RBFOX1: variants seen among roughly 807,000 people sequenced by gnomAD.
The protein encoded by RBFOX1 is RNA binding fox-1 homolog 1.
In RBFOX1, 8 loss-of-function variants were observed where a neutral mutation model predicts 57.7. The ratio of observed to expected loss-of-function variants is 0.14; its 90% CI spans 0.08 to 0.25. The LOEUF is 0.25. Among genes scored for constraint, RBFOX1 ranks in the 10% least tolerant of loss-of-function variants. RBFOX1 has a pLI of 1.00. For synonymous variants in RBFOX1, 326 were observed against 222.4 expected (o/e 1.47, Z -4.15); for missense variants, 611 against 548.5 (o/e 1.11, Z -1.14).
intron 1 of RBFOX1, among the ~76,000 whole-genome samples, chr16:6,111,953 G>A (rs902359854): frequency 6.6e-6 from 1 of 152,232 alleles, no homozygotes; most frequent in Admixed American, 6.5e-5. Context: ...AGAAACATAT[G>A]CTAAAGGTGT....
At chr16:7,482,310 G>C (rs191352718) in intron 4 of RBFOX1, among the ~76,000 whole-genome samples, 2 of 152,230 alleles carry the variant, frequency 1.3e-5, no homozygotes, top group Non-Finnish European at 2.9e-5. Context: ...AAGTGCTTTA[G>C]GGAGGCGTTA....
intron 4 of RBFOX1, among the ~76,000 whole-genome samples, chr16:7,141,540 T>C (rs916477585): frequency 6.6e-6 from 1 of 152,156 alleles, no homozygotes; most frequent in African/African-American, 2.4e-5. Flanking sequence ...TCATTGTTAT[T>C]TTATTTTTAT....
chr16:5,521,960 A>T (rs1295114467), intron 2 of RBFOX1, among the ~76,000 whole-genome samples: 2 of 152,148 alleles, frequency 1.3e-5, no homozygotes, highest in African/African-American at 4.8e-5. Context: ...GAGGCTGAGG[A>T]GGGAAAAGAC....
At chr16:6,912,581 C>G (rs1355271479) in intron 3 of RBFOX1, among the ~76,000 whole-genome samples, 1 of 150,494 alleles carries the variant, frequency 6.6e-6, no homozygotes, top group African/African-American at 2.4e-5. Flanking sequence ...CTTTTTCTTT[C>G]TTGCTTTCTT....
intron 3 of RBFOX1, among the ~76,000 whole-genome samples, chr16:6,801,975 C>T (rs1362539505): frequency 2.0e-5 from 3 of 151,910 alleles, no homozygotes; most frequent in Admixed American, 2.0e-4. Flanking sequence ...GGGTGATTAC[C>T]CTTATCTTGT....
intron 3 of RBFOX1, among the ~76,000 whole-genome samples, chr16:6,781,820 G>A (rs186914899): frequency 3.3e-5 from 5 of 151,976 alleles, no homozygotes; most frequent in East Asian, 1.9e-4. Flanking sequence ...TTTTCTTAGC[G>A]TGGCTAAAGG....
chr16:7,454,770 A>T (rs1249311835), intron 4 of RBFOX1, among the ~76,000 whole-genome samples: 1 of 152,336 alleles, frequency 6.6e-6, no homozygotes, highest in East Asian at 1.9e-4. Flanking sequence ...GCAATTGCCC[A>T]TCTGTGTTTT....
intron 4 of RBFOX1, among the ~76,000 whole-genome samples, chr16:7,414,067 G>C (rs927580093): frequency 6.6e-6 from 1 of 152,156 alleles, no homozygotes; most frequent in East Asian, 1.9e-4. Context: ...TCAAATTTGG[G>C]AGTGAGATAA....
At chr16:6,507,536 G>C (rs1191196482) in intron 2 of RBFOX1, among the ~76,000 whole-genome samples, 1 of 146,496 alleles carries the variant, frequency 6.8e-6, no homozygotes, top group Non-Finnish European at 1.5e-5. Context: ...GCCTGGCATA[G>C]TGGCACACAC....
upstream of RBFOX1, among the ~76,000 whole-genome samples, chr16:6,015,162 C>T (rs2152342151): frequency 1.3e-5 from 2 of 152,248 alleles, no homozygotes; most frequent in East Asian, 1.9e-4. Flanking sequence ...CACCCTCTGG[C>T]CTTCTTAGAT....
intron 4 of RBFOX1, among the ~76,000 whole-genome samples, chr16:7,230,180 T>A (rs892958084): frequency 6.6e-6 from 1 of 151,126 alleles, no homozygotes; most frequent in African/African-American, 2.5e-5. Context: ...CATTTCACTT[T>A]TTTTTTTAAT....
At chr16:5,542,930 G>C (rs2045022469) in intron 2 of RBFOX1, among the ~76,000 whole-genome samples, 1 of 152,170 alleles carries the variant, frequency 6.6e-6, no homozygotes, top group African/African-American at 2.4e-5. Flanking sequence ...CCAGTACCTG[G>C]TGCTCAGTCA....
chr16:6,070,236 T>C (rs1306385837), intron 1 of RBFOX1, among the ~76,000 whole-genome samples: 1 of 152,218 alleles, frequency 6.6e-6, no homozygotes, highest in Non-Finnish European at 1.5e-5. Context: ...GTAAATATTC[T>C]GTATGTGGCT....
chr16:6,580,881 A>G (rs1600510307), intron 2 of RBFOX1, among the ~76,000 whole-genome samples: 1 of 149,964 alleles, frequency 6.7e-6, no homozygotes, highest in African/African-American at 2.5e-5. Context: ...TTTTCCAGAA[A>G]GACCCTGCAT....
intron 3 of RBFOX1, among the ~76,000 whole-genome samples, chr16:6,971,639 A>G (rs1012390936): frequency 4.6e-5 from 7 of 152,114 alleles, no homozygotes; most frequent in Non-Finnish European, 7.4e-5. Context: ...AATGGAGTCA[A>G]ACATTCCAAT....
chr16:5,873,956 G>C (rs974902878), intron 4 of RBFOX1, among the ~76,000 whole-genome samples: 1 of 152,142 alleles, frequency 6.6e-6, no homozygotes, highest in Non-Finnish European at 1.5e-5. Flanking sequence ...CAGAGAATAA[G>C]TGAAAAGTAA....
chr16:7,388,268 C>A (rs548078059), intron 4 of RBFOX1, among the ~76,000 whole-genome samples: 1 of 152,006 alleles, frequency 6.6e-6, no homozygotes, highest in South Asian at 2.1e-4. Context: ...ATGATGTGTT[C>A]GGGAAAATCC....
chr16:7,683,957 C>G (rs745376076), intron 14 of RBFOX1, among the ~76,000 whole-genome samples: 12 of 151,994 alleles, frequency 7.9e-5, no homozygotes, highest in Non-Finnish European at 1.8e-4. Context: ...CACTTTGTTA[C>G]GTTGTTCTTT....
intron 4 of RBFOX1, among the ~76,000 whole-genome samples, chr16:7,218,074 TG>T (rs1567754386): frequency 6.8e-5 from 9 of 131,806 alleles, no homozygotes; most frequent in African/African-American, 1.9e-4. Context: ...TGTGTGTGTG[TG>T]CGTCTGTGTG....
Sources: gnomAD v4.1 joint callset for allele counts (sites outside exome capture counted in the v4.1 genomes callset) on GRCh38, gnomAD v4.1.1 for gene constraint, MANE v1.5 for transcripts, NCBI Gene and HGNC (gene_info 2026-07-23, HGNC 2026-07-21) for gene names.